IDE: variants seen among roughly 807,000 people sequenced by gnomAD.
IDE encodes insulin-degrading enzyme.
IDE carries 58 observed loss-of-function variants against 133.2 expected under a neutral mutation model. The observed-to-expected ratio is 0.44, with a 90% CI of 0.35 to 0.54. The LOEUF (loss-of-function observed/expected upper bound fraction) is 0.54. Among genes scored for constraint, IDE ranks in the 20% least tolerant of loss-of-function variants. IDE has a pLI of 0.00. For synonymous variants in IDE, 396 were observed against 421.3 expected (o/e 0.94, Z 0.73); for missense variants, 981 against 1,234.0 (o/e 0.79, Z 3.07).
chr10:92,509,026 G>T, intron 6 of IDE, 136 bp from the exon 7 acceptor site: 1 of 648,562 alleles, frequency 1.5e-6, no homozygotes, highest in Non-Finnish European at 2.7e-6. Flanking sequence ...ATGATACACT[G>T]ACCACAAAGA....
intron 11 of IDE, among the ~76,000 whole-genome samples, chr10:92,500,607 T>C (rs1847953183): frequency 6.6e-6 from 1 of 152,196 alleles, no homozygotes; most frequent in Admixed American, 6.5e-5. Context: ...CAACTGACCA[T>C]GTATGTGTGG....
rs767494483 is a variant in IDE, at chr10:92,537,475, A to G, written c.174T>C (p.Pro58=). The change falls in exon 2 of 25, where the codon CCT becomes CCC. Residue 58 remains proline, a synonymous_variant. Coordinates refer to ENST00000265986, the MANE Select transcript of IDE (RefSeq NM_004969.4). The part of the protein sequence containing the change: ...KRIGNHITKS[P]EDKREYRGLE... ...GCCCTCGATATTCTCGCTTGTCTTC[A>G]GGAGACTTGGTAATGTGATTTCCTA... 6.2e-7 allele frequency: 1 copy of G among 1,613,902 alleles called. No individual in the cohort carries two copies. The highest frequency in any genetic ancestry group is 1.1e-5 in the South Asian group (1 of 91,060).
At chr10:92,573,413 T>TC (rs1843883577) in intron 1 of IDE, among the ~76,000 whole-genome samples, 1 of 152,144 alleles carries the variant, frequency 6.6e-6, no homozygotes, top group Non-Finnish European at 1.5e-5. Context: ...CAAACTTTTT[T>TC]CCCAGCGCGG....
chr10:92,491,584 C>T (rs969617236), intron 11 of IDE, among the ~76,000 whole-genome samples: 2 of 151,812 alleles, frequency 1.3e-5, no homozygotes, highest in Non-Finnish European at 1.5e-5. Flanking sequence ...TTACAGGCAC[C>T]CGCCACCACG....
intron 22 of IDE, among the ~76,000 whole-genome samples, chr10:92,458,791 C>T (rs957971232): frequency 2.0e-5 from 3 of 151,760 alleles, no homozygotes; most frequent in East Asian, 1.9e-4. Context: ...TGAACCACCA[C>T]GCCCAGCCCC....
chr10:92,508,305 C>T, intron 7 of IDE, 100 bp from the exon 8 acceptor site: 1 of 865,986 alleles, frequency 1.2e-6, no homozygotes, highest in Non-Finnish European at 1.9e-6. Flanking sequence ...CCTAAGATAT[C>T]AGAATGAACC....
In IDE at chr10:92,550,634, G is replaced by A. The variant is rs1466181701; in HGVS notation, c.99-13084C>T. The stretch of plus-strand genomic sequence containing the variant: ...CCACTACACTCCAGCCTGGGCAACA[G>A]AGCTAGACTCCGTCTCAAAAAAAAA... On this transcript the variant is annotated intron_variant, in intron 1 of 24. Transcript: ENST00000265986. Among the ~76,000 whole-genome samples the A allele has an allele frequency of 2.2e-4, 27 of 120,388 alleles. No homozygotes were observed. In the Admixed American group the frequency reaches 2.9e-3, roughly 13 times the overall value. The allele number at this position is 120,388 out of a possible 152,430, so 79.0% of individuals were successfully genotyped here. A position where few individuals can be genotyped will look rare whatever the true frequency, so the allele number is the denominator to read the frequency against.
chr10:92,535,329 T>C (rs1461396437), intron 2 of IDE, among the ~76,000 whole-genome samples: 1 of 152,182 alleles, frequency 6.6e-6, no homozygotes, highest in Non-Finnish European at 1.5e-5. Context: ...GGTCTCGATC[T>C]CCTGACCTCG....
At chr10:92,505,180 G>A (rs1848231274) in intron 10 of IDE, among the ~76,000 whole-genome samples, 2 of 152,150 alleles carry the variant, frequency 1.3e-5, no homozygotes, top group African/African-American at 4.8e-5. Flanking sequence ...GGAAAACCAC[G>A]AATGTTTCTG....
chr10:92,571,043 C>T (rs1031748965), intron 1 of IDE, among the ~76,000 whole-genome samples: 5 of 151,614 alleles, frequency 3.3e-5, no homozygotes, highest in South Asian at 2.1e-4. Context: ...TGCAGTGGCA[C>T]GATCTCAGCT....
intron 11 of IDE, among the ~76,000 whole-genome samples, chr10:92,493,273 T>C (rs1026795668): frequency 1.3e-5 from 2 of 152,218 alleles, no homozygotes; most frequent in Non-Finnish European, 1.5e-5. Flanking sequence ...GGGCTTCCAC[T>C]TTTGTTGATT....
intron 3 of IDE, among the ~76,000 whole-genome samples, chr10:92,534,128 A>C (rs1243269194): frequency 2.0e-5 from 3 of 152,226 alleles, no homozygotes; most frequent in African/African-American, 7.2e-5. Context: ...AAATCGGCCT[A>C]ATGGAGCTTG....
At chr10:92,510,978 T>C (rs1360524940) in intron 5 of IDE, among the ~76,000 whole-genome samples, 3 of 149,920 alleles carry the variant, frequency 2.0e-5, no homozygotes, top group African/African-American at 2.5e-5. Context: ...ACAGCAGTCA[T>C]AGGATGGAAT....
intron 2 of IDE, among the ~76,000 whole-genome samples, chr10:92,536,383 CAA>C (rs58280739): frequency 2.2e-4 from 12 of 54,824 alleles, no homozygotes; most frequent in Admixed American, 2.3e-4. Flanking sequence ...AACTCCGTCT[CAA>C]AAAAAAAAAA....
rs1033273334 is a variant in IDE at position 92,464,124 on chromosome 10, C to T, written c.2489-121G>A. The T allele has an allele frequency of 4.1e-6, 4 of 977,724 alleles. No homozygotes were observed. The Admixed American group carries it at 7.2e-5, about 18-fold the overall frequency. 60.6% of individuals were successfully genotyped at this position (977,724 alleles called of 1,614,324 possible). A position where few individuals can be genotyped will look rare whatever the true frequency, so the allele number is the denominator to read the frequency against. The stretch of plus-strand genomic sequence containing the variant: ...TAGTTTAAGGTTTTAGAGTATTCAC[C>T]TCTTAAAGAAATATGAGCACTTAAG... On this transcript the variant is annotated intron_variant, in intron 20 of 24. Coordinates refer to ENST00000265986, the MANE Select transcript of IDE (RefSeq NM_004969.4).
At chr10:92,474,056 G>GA (rs950515642) in intron 17 of IDE, among the ~76,000 whole-genome samples, 3 of 151,452 alleles carry the variant, frequency 2.0e-5, no homozygotes, top group Non-Finnish European at 2.9e-5. Context: ...TTAGTCTGCA[G>GA]AAAAAAAAAT....
At chr10:92,504,939 T>C in intron 10 of IDE, 42 bp from the exon 11 acceptor site, 3 of 869,434 alleles carry the variant, frequency 3.5e-6, no homozygotes, top group Non-Finnish European at 5.4e-6. Context: ...TATACAAAGC[T>C]ACTACATAGT....
chr10:92,547,096 T>C (rs1029990273), intron 1 of IDE, among the ~76,000 whole-genome samples: 2 of 152,170 alleles, frequency 1.3e-5, no homozygotes, highest in African/African-American at 4.8e-5. Context: ...TTCTTCTTTT[T>C]TGTAAGATAG....
At chr10:92,481,444 A>T (rs1435134127) in intron 14 of IDE, among the ~76,000 whole-genome samples, 1 of 152,190 alleles carries the variant, frequency 6.6e-6, no homozygotes, top group Non-Finnish European at 1.5e-5. Flanking sequence ...AAAGAGAACA[A>T]CAAAAACAGC....
Sources: allele counts gnomAD v4.1 joint callset (sites outside exome capture counted in the v4.1 genomes callset), GRCh38; gene constraint gnomAD v4.1.1; transcripts MANE v1.5; gene names NCBI Gene and HGNC (gene_info 2026-07-23, HGNC 2026-07-21).